MBD2: variants seen among roughly 807,000 people sequenced by gnomAD.
MBD2 encodes methyl-CpG binding domain protein 2, also known as methyl-CpG-binding domain protein 2.
MBD2 carries 9 observed loss-of-function variants against 39.3 expected under a neutral mutation model. The observed-to-expected ratio is 0.23, with a 90% CI of 0.14 to 0.40. The LOEUF (loss-of-function observed/expected upper bound fraction) is 0.40. Ranked by LOEUF, MBD2 falls within the 10% of genes least tolerant of loss-of-function variation. The pLI, the probability that MBD2 is intolerant of heterozygous loss-of-function variation, is 1.00. For missense variants in MBD2, 458 were observed against 532.6 expected, an observed-to-expected ratio of 0.86 and a Z score of 1.38; for synonymous variants, 233 against 211.1, an observed-to-expected ratio of 1.10 and a Z score of -0.90.
In MBD2 at chr18:54,197,731, G is replaced by A. The variant is rs899280814; in HGVS notation, c.702+7267C>T. On this transcript the variant is annotated intron_variant, in intron 2 of 6. Transcript: ENST00000256429. ...TCCACTTCTATCTCCACGGGCACGCGTCTAGATCATCATTATCATCATCAA... is the reference window on the plus strand; with the variant it reads ...TCCACTTCTATCTCCACGGGCACGCATCTAGATCATCATTATCATCATCAA... Among the ~76,000 whole-genome samples the A allele has an allele frequency of 7.2e-5, 11 of 152,204 alleles. No individual in the cohort carries two copies. In the East Asian group the frequency reaches 1.4e-3, roughly 19 times the overall value.
intron 2 of MBD2, among the ~76,000 whole-genome samples, chr18:54,200,904 C>G (rs1265926169): frequency 6.6e-6 from 1 of 151,822 alleles, no homozygotes; most frequent in Non-Finnish European, 1.5e-5. Context: ...GCTGTGAAAC[C>G]CCATCTCTAC....
rs1005021079 is a variant in MBD2 at position 54,152,102 on chromosome 18, G to A, written c.*3222C>T. 8.5e-5 allele frequency: 13 copies of A among 152,184 alleles called. No individual in the cohort carries two copies. The highest frequency in any genetic ancestry group is 3.1e-4 in the African/African-American group (13 of 41,436). 9.4% of individuals were successfully genotyped at this position (152,184 alleles called of 1,614,324 possible). ...AAATTACAATACAATACAATAAAGT[G>A]CTTCCATGGAGGTATTTACAAAGTG... is the stretch of plus-strand genomic sequence containing the variant. On this transcript the variant is annotated 3_prime_UTR_variant, in exon 7 of 7. Transcript: ENST00000256429.
chr18:54,152,842 A>G lies in MBD2; in HGVS notation c.*2482T>C, dbSNP rs2086030125. Reference sequence around the variant, plus strand: ...CTATGAGGTAGGTATTATTATTCCTATTTCACTGAGGAGGGACAGGCTCAA... The same window carrying G: ...CTATGAGGTAGGTATTATTATTCCTGTTTCACTGAGGAGGGACAGGCTCAA... On this transcript the variant is annotated 3_prime_UTR_variant, in exon 7 of 7. Coordinates refer to ENST00000256429, the MANE Select transcript of MBD2 (RefSeq NM_003927.5). 1 of 152,206 alleles carries G rather than the reference A, an allele frequency of 6.6e-6. No individual in the cohort carries two copies. Among genetic ancestry groups the G allele is most frequent in the Admixed American group, 6.5e-5 (1 of 15,280 alleles). The allele number at this position is 152,206 out of a possible 1,614,324, so 9.4% of individuals were successfully genotyped here. A position where few individuals can be genotyped will look rare whatever the true frequency, so the allele number is the denominator to read the frequency against.
chr18:54,208,793 AAT>A (rs1421031733), intron 1 of MBD2, among the ~76,000 whole-genome samples: 4 of 152,216 alleles, frequency 2.6e-5, no homozygotes, highest in African/African-American at 9.6e-5. Context: ...CTGAAAACAT[AAT>A]AGAGCCTCAC....
At chr18:54,195,067 G>T (rs2086354593) in intron 2 of MBD2, among the ~76,000 whole-genome samples, 3 of 152,022 alleles carry the variant, frequency 2.0e-5, no homozygotes, top group Non-Finnish European at 4.4e-5. Context: ...TTCTATCACA[G>T]GTTACATTCT....
chr18:54,169,666 C>T (rs935578377), intron 3 of MBD2, among the ~76,000 whole-genome samples: 1 of 152,232 alleles, frequency 6.6e-6, no homozygotes, highest in African/African-American at 2.4e-5. Context: ...ACTTCATAAG[C>T]ACTACTGCTG....
chr18:54,208,750 T>C (rs2086474251), intron 1 of MBD2, among the ~76,000 whole-genome samples: 1 of 152,206 alleles, frequency 6.6e-6, no homozygotes, highest in Admixed American at 6.5e-5. Flanking sequence ...TAGTTCCTTA[T>C]CTTAAAGTTG....
chr18:54,209,270 C>G (rs985488856), intron 1 of MBD2, among the ~76,000 whole-genome samples: 1 of 134,938 alleles, frequency 7.4e-6, no homozygotes, highest in African/African-American at 2.8e-5. Context: ...GCACTCCAGC[C>G]TGGGCAACAG....
At chr18:54,221,274 G>A (rs546988845) in intron 1 of MBD2, among the ~76,000 whole-genome samples, 26 of 152,014 alleles carry the variant, frequency 1.7e-4, no homozygotes, top group Middle Eastern at 3.4e-3. Flanking sequence ...TGGCTAACAC[G>A]GTAAAACCCT....
chr18:54,166,225 C>T (rs1246602729), intron 3 of MBD2, 59 bp from the exon 4 acceptor site: 7 of 969,270 alleles, frequency 7.2e-6, no homozygotes, highest in African/African-American at 3.2e-5. Flanking sequence ...AGTAGCGCAT[C>T]GATGCTGTTG....
chr18:54,197,149 T>G (rs186005622), intron 2 of MBD2, among the ~76,000 whole-genome samples: 1 of 152,318 alleles, frequency 6.6e-6, no homozygotes, highest in African/African-American at 2.4e-5. Context: ...ATTCATTCAT[T>G]AAACCAGCAC....
intron 3 of MBD2, among the ~76,000 whole-genome samples, chr18:54,169,789 G>C: frequency 6.6e-6 from 1 of 152,086 alleles, no homozygotes; most frequent in South Asian, 2.1e-4. Flanking sequence ...AAATAGAATA[G>C]GTATAAGGAA....
At chr18:54,171,474 A>C (rs1479049904) in intron 3 of MBD2, among the ~76,000 whole-genome samples, 1 of 152,148 alleles carries the variant, frequency 6.6e-6, no homozygotes, top group Non-Finnish European at 1.5e-5. Context: ...ATGCTGAAAG[A>C]TTTTAAAAAA....
Position 54,164,717 on chromosome 18 carries a change from G to GT in MBD2, c.932-18dup, listed in dbSNP as rs1206493864. ...GACCAACTCCTGCAATGAGAAACAAGTACTAGTTAAAGGAAATGTCTCAAT... is the reference window on the plus strand; with the variant it reads ...GACCAACTCCTGCAATGAGAAACAAGTTACTAGTTAAAGGAAATGTCTCAAT... On this transcript the variant is annotated splice_polypyrimidine_tract_variant and intron_variant, in intron 4 of 6. Coordinates refer to ENST00000256429, the MANE Select transcript of MBD2 (RefSeq NM_003927.5). 6.3e-7 allele frequency: 1 copy of GT among 1,588,490 alleles called. No homozygotes were observed. The highest frequency in any genetic ancestry group is 1.1e-5 in the South Asian group (1 of 90,204).
intron 2 of MBD2, among the ~76,000 whole-genome samples, chr18:54,203,523 G>A (rs556910782): frequency 8.5e-5 from 13 of 152,250 alleles, no homozygotes; most frequent in African/African-American, 2.9e-4. Flanking sequence ...GCAATACAGA[G>A]GCAATTTAGC....
rs114044080 is a variant in MBD2, at chr18:54,196,044, C to T, written c.703-7033G>A. On this transcript the variant is annotated intron_variant, in intron 2 of 6. Transcript: ENST00000256429. ...CAATGGAAAGTGCCTTACAATTCTTCGTAAGTTTTTAATTAATATAATTCA... is the reference window on the plus strand; with the variant it reads ...CAATGGAAAGTGCCTTACAATTCTTTGTAAGTTTTTAATTAATATAATTCA... 4.6e-3 allele frequency among the ~76,000 whole-genome samples: 700 copies of T among 152,232 alleles called. 9 individuals are homozygous for T. Among genetic ancestry groups the T allele is most frequent in the African/African-American group, 0.016 (657 of 41,548 alleles).
chr18:54,177,164 T>A (rs1242973170), intron 3 of MBD2, among the ~76,000 whole-genome samples: 2 of 152,318 alleles, frequency 1.3e-5, no homozygotes, highest in African/African-American at 4.8e-5. Flanking sequence ...GATACGCAAG[T>A]TCATATAGGA....
intron 2 of MBD2, 121 bp downstream of exon 2, chr18:54,204,877 G>C: frequency 2.4e-6 from 2 of 847,678 alleles, no homozygotes; most frequent in South Asian, 1.6e-5. Flanking sequence ...GGGTGGGCAG[G>C]GTATGGGGAC....
intron 1 of MBD2, among the ~76,000 whole-genome samples, chr18:54,211,504 C>A (rs2086507566): frequency 6.6e-6 from 1 of 151,992 alleles, no homozygotes; most frequent in Non-Finnish European, 1.5e-5. Context: ...TAAATGTAGG[C>A]CTTTCCTACA....
Sources: allele counts gnomAD v4.1 joint callset (sites outside exome capture counted in the v4.1 genomes callset), GRCh38; gene constraint gnomAD v4.1.1; transcripts MANE v1.5; gene names NCBI Gene and HGNC (gene_info 2026-07-23, HGNC 2026-07-21).